Variants in MTMR7 observed in about 807,000 individuals in gnomAD.
MTMR7 encodes myotubularin related protein 7, also known as phosphatidylinositol-3-phosphate phosphatase MTMR7.
A neutral mutation model predicts 81.2 loss-of-function variants in MTMR7; 76 were observed. The observed-to-expected ratio is 0.94, with a 90% CI of 0.78 to 1.13. MTMR7 has a LOEUF of 1.13. MTMR7 is among the 50% of genes most tolerant of loss of function. The probability of loss-of-function intolerance (pLI) is 0.00; values close to 1 mark genes in which losing one functional copy is unlikely to be tolerated. For missense variants in MTMR7, 1,044 were observed against 820.0 expected, an observed-to-expected ratio of 1.27 and a Z score of -3.34; for synonymous variants, 372 against 289.8, an observed-to-expected ratio of 1.28 and a Z score of -2.88.
chr8:17,341,796 C>T (rs147885198), intron 5 of MTMR7, among the ~76,000 whole-genome samples: 72 of 152,288 alleles, frequency 4.7e-4, no homozygotes, highest in African/African-American at 1.6e-3. Flanking sequence ...TTCCTTTTCA[C>T]TGATATTGCT....
intron 3 of MTMR7, among the ~76,000 whole-genome samples, chr8:17,370,287 G>A (rs1820377343): frequency 1.3e-5 from 2 of 151,980 alleles, no homozygotes; most frequent in African/African-American, 2.4e-5. Flanking sequence ...ACTTGAGGCC[G>A]AGGCAGGTAG....
chr8:17,308,048 AAAAAAT>A (rs1295792423), intron 10 of MTMR7, among the ~76,000 whole-genome samples: 11 of 119,112 alleles, frequency 9.2e-5, no homozygotes, highest in African/African-American at 2.5e-4. Context: ...TAATAAAATT[AAAAAAT>A]AAAAATAAAA....
At chr8:17,341,543 C>T in intron 5 of MTMR7, 46 bp from the exon 6 acceptor site, 7 of 1,603,764 alleles carry the variant, frequency 4.4e-6, no homozygotes, top group Non-Finnish European at 6.0e-6. Context: ...GGTAACTGTA[C>T]CCATGAGAGA....
intron 1 of MTMR7, among the ~76,000 whole-genome samples, chr8:17,406,828 C>A (rs1585128596): frequency 6.6e-6 from 1 of 151,976 alleles, no homozygotes; most frequent in South Asian, 2.1e-4. Context: ...CTTAGACAAA[C>A]CTTAAAAACA....
At chr8:17,388,865 T>C (rs1458225344) in intron 1 of MTMR7, among the ~76,000 whole-genome samples, 1 of 152,212 alleles carries the variant, frequency 6.6e-6, no homozygotes, top group African/African-American at 2.4e-5. Context: ...TTCCCATGCC[T>C]CACTCCTCGG....
At chr8:17,384,352 A>G (rs112310546) in intron 1 of MTMR7, among the ~76,000 whole-genome samples, 3 of 152,204 alleles carry the variant, frequency 2.0e-5, no homozygotes, top group Non-Finnish European at 4.4e-5. Context: ...TTGAGGTTAT[A>G]GTCAGACATG....
At position 17,361,139 on chromosome 8, in the gene MTMR7, C is replaced by A. The variant is rs749002098; in HGVS notation, c.446G>T (p.Ser149Ile). ...MGLPNHYWQL[S>I]DVNRDYRVCD... ...CACTCTGTAGTCTCTATTCACATCGCTGAGCTGCCAGTAATGATTAGGGAG... is the reference window on the plus strand; with the variant it reads ...CACTCTGTAGTCTCTATTCACATCGATGAGCTGCCAGTAATGATTAGGGAG... Residue 149 changes from serine to isoleucine, a missense_variant, in exon 4 of 14, where the codon AGC (serine) becomes ATC (isoleucine). Ser to Ile is a moderately radical substitution (Grantham distance 142). Transcript: ENST00000180173. 2 of 1,614,054 alleles carry A rather than the reference C, an allele frequency of 1.2e-6. No individual in the cohort carries two copies. The highest frequency in any genetic ancestry group is 1.7e-6 in the Non-Finnish European group (2 of 1,180,032).
Position 17,302,237 on chromosome 8 carries a change from G to C in MTMR7, c.1537C>G (p.Pro513Ala). ...MYNRFEKGMQ[P>A]RQSVTDYLMA... ...AGGTAATCTGTAACTGACTGTCGGG[G>C]CTGCATCCCCTTTTCAAAGCGGTTA... is the stretch of plus-strand genomic sequence containing the variant. The change falls in exon 13 of 14, where the codon CCC (proline) becomes GCC (alanine). Residue 513 changes from proline (P) to alanine (A), a missense_variant. Physicochemically the swap from Pro to Ala is conservative, Grantham distance 27. Transcript: ENST00000180173. 1 of 1,614,012 alleles carries C rather than the reference G, an allele frequency of 6.2e-7. No homozygotes were observed. Among genetic ancestry groups the C allele is most frequent in the East Asian group, 2.2e-5 (1 of 44,878 alleles).
intron 8 of MTMR7, 126 bp from the exon 9 acceptor site, chr8:17,311,762 C>A: frequency 1.4e-6 from 2 of 1,462,410 alleles, no homozygotes; most frequent in Non-Finnish European, 1.9e-6. Context: ...CCTGTCCATT[C>A]GTCTGTTTAG....
chr8:17,317,544 G>A (rs1341041129), intron 7 of MTMR7, among the ~76,000 whole-genome samples: 3 of 152,050 alleles, frequency 2.0e-5, no homozygotes, highest in African/African-American at 4.8e-5. Context: ...GAGTCCCTGC[G>A]GTCAACGTTT....
intron 1 of MTMR7, among the ~76,000 whole-genome samples, chr8:17,401,384 G>A (rs1015335636): frequency 2.0e-5 from 3 of 152,106 alleles, no homozygotes; most frequent in African/African-American, 2.4e-5. Context: ...GGGAGTAGTG[G>A]TCAAGCAGTG....
rs1297914851 is a variant in MTMR7 at position 17,370,947 on chromosome 8, A to G, written c.310+90T>C. On this transcript the variant is annotated intron_variant, in intron 3 of 13. Transcript: ENST00000180173. ...ACTGACACATAATCCCTGAACCCCTATCATTCCTAAGCACCATACAAATTC... is the reference window on the plus strand; with the variant it reads ...ACTGACACATAATCCCTGAACCCCTGTCATTCCTAAGCACCATACAAATTC... The G allele has an allele frequency of 1.3e-5, 17 of 1,322,426 alleles. No individual in the cohort carries two copies. The South Asian group carries it at 2.1e-4, about 16-fold the overall frequency. 81.9% of individuals were successfully genotyped at this position (1,322,426 alleles called of 1,614,324 possible). A position where few individuals can be genotyped will look rare whatever the true frequency, so the allele number is the denominator to read the frequency against.
rs560610714 is a variant in MTMR7 at position 17,394,060 on chromosome 8, G to T, written c.24+19209C>A. 1.2e-4 allele frequency among the ~76,000 whole-genome samples: 19 copies of T among 152,296 alleles called. No individual in the cohort carries two copies. The South Asian group carries it at 3.3e-3, about 27-fold the overall frequency. Reference sequence around the variant, plus strand: ...AAGAGATAACAACAAGTGTTGGTGAGGATATGGAGATACTGGAACCCTCAT... The same window carrying T: ...AAGAGATAACAACAAGTGTTGGTGATGATATGGAGATACTGGAACCCTCAT... On this transcript the variant is annotated intron_variant, in intron 1 of 13. Coordinates refer to ENST00000180173, the MANE Select transcript of MTMR7 (RefSeq NM_004686.5).
chr8:17,321,232 G>T (rs1204121842), intron 7 of MTMR7, among the ~76,000 whole-genome samples: 1 of 152,192 alleles, frequency 6.6e-6, no homozygotes, highest in Non-Finnish European at 1.5e-5. Flanking sequence ...CCTGGAAATG[G>T]CCTGTGCCAA....
intron 10 of MTMR7, 88 bp from the exon 11 acceptor site, chr8:17,306,045 C>A (rs1430651863): frequency 2.0e-6 from 2 of 985,708 alleles, no homozygotes; most frequent in Non-Finnish European, 3.0e-6. Context: ...TAAAAGCAAC[C>A]CTAGTTCCTA....
At chr8:17,324,744 G>A (rs1171328827) in intron 7 of MTMR7, among the ~76,000 whole-genome samples, 1 of 152,172 alleles carries the variant, frequency 6.6e-6, no homozygotes, top group Admixed American at 6.5e-5. Context: ...CACTTTAATG[G>A]GAAAATGGGT....
At chr8:17,402,603 T>C (rs1821459482) in intron 1 of MTMR7, among the ~76,000 whole-genome samples, 1 of 152,240 alleles carries the variant, frequency 6.6e-6, no homozygotes, top group Non-Finnish European at 1.5e-5. Context: ...CCTCCTTTTT[T>C]ATGCCTGAAT....
intron 1 of MTMR7, among the ~76,000 whole-genome samples, chr8:17,384,853 T>A (rs561524996): frequency 1.4e-4 from 22 of 152,350 alleles, no homozygotes; most frequent in African/African-American, 5.3e-4. Flanking sequence ...TAAAAAACCA[T>A]TGAAAGTCTT....
intron 12 of MTMR7, among the ~76,000 whole-genome samples, chr8:17,304,034 C>T (rs1817295265): frequency 1.3e-5 from 2 of 152,166 alleles, no homozygotes. Flanking sequence ...AACCTTAACA[C>T]GTCATGATCA....
Sources: gnomAD v4.1 joint callset for allele counts (sites outside exome capture counted in the v4.1 genomes callset) on GRCh38, gnomAD v4.1.1 for gene constraint, MANE v1.5 for transcripts, NCBI Gene and HGNC (gene_info 2026-07-23, HGNC 2026-07-21) for gene names.